The following TMEM117 variants were observed in gnomAD, a reference collection of about 807,000 sequenced individuals.
The protein encoded by TMEM117 is transmembrane protein 117.
A neutral mutation model predicts 52.4 loss-of-function variants in TMEM117; 27 were observed. The observed-to-expected ratio is 0.51, with a 90% CI of 0.38 to 0.71. The LOEUF (loss-of-function observed/expected upper bound fraction) is 0.71, where lower values mean the gene tolerates loss of function less well. TMEM117 is among the 30% of genes least tolerant of loss of function. TMEM117 has a pLI of 0.00. For missense variants in TMEM117, 556 were observed against 630.5 expected, an observed-to-expected ratio of 0.88 and a Z score of 1.26; for synonymous variants, 215 against 206.3, an observed-to-expected ratio of 1.04 and a Z score of -0.36.
At chr12:44,244,878 G>A (rs897550897) in intron 5 of TMEM117, among the ~76,000 whole-genome samples, 6 of 152,024 alleles carry the variant, frequency 3.9e-5, no homozygotes, top group African/African-American at 1.4e-4. Context: ...TATATGAGGT[G>A]AGATAAGGGT....
At chr12:43,947,167 C>T (rs1029012700) in intron 3 of TMEM117, among the ~76,000 whole-genome samples, 1 of 152,006 alleles carries the variant, frequency 6.6e-6, no homozygotes, top group Admixed American at 6.6e-5. Flanking sequence ...GACTTTGTCT[C>T]TTACAAAAAA....
At chr12:43,973,073 A>G (rs1945616977) in intron 3 of TMEM117, among the ~76,000 whole-genome samples, 1 of 152,250 alleles carries the variant, frequency 6.6e-6, no homozygotes, top group African/African-American at 2.4e-5. Flanking sequence ...CTTAGATAAC[A>G]CAGTGTAAAA....
intron 5 of TMEM117, among the ~76,000 whole-genome samples, chr12:44,228,381 T>C (rs1214590066): frequency 6.6e-6 from 1 of 152,146 alleles, no homozygotes; most frequent in Non-Finnish European, 1.5e-5. Flanking sequence ...ATTTGACAAA[T>C]AGTTTTTACC....
intron 4 of TMEM117, among the ~76,000 whole-genome samples, chr12:44,193,976 C>T (rs1193464629): frequency 6.6e-6 from 1 of 151,974 alleles, no homozygotes; most frequent in Non-Finnish European, 1.5e-5. Flanking sequence ...ATACAACTAG[C>T]AGAATCAGAC....
At chr12:44,342,693 G>T (rs1372429254) in intron 6 of TMEM117, among the ~76,000 whole-genome samples, 1 of 150,884 alleles carries the variant, frequency 6.6e-6, no homozygotes, top group African/African-American at 2.4e-5. Flanking sequence ...CAAGTTTGCA[G>T]GTTTGGTTAC....
At chr12:44,196,230 G>A (rs1949418636) in intron 4 of TMEM117, among the ~76,000 whole-genome samples, 1 of 151,940 alleles carries the variant, frequency 6.6e-6, no homozygotes, top group Non-Finnish European at 1.5e-5. Flanking sequence ...AAAAGAACAG[G>A]TAAATCAGTC....
At chr12:44,346,924 C>T (rs1443069394) in intron 6 of TMEM117, among the ~76,000 whole-genome samples, 3 of 151,982 alleles carry the variant, frequency 2.0e-5, no homozygotes, top group East Asian at 1.9e-4. Context: ...CTGAGGGATG[C>T]GCTATGAGAA....
At chr12:44,090,533 C>A (rs1419269429) in intron 3 of TMEM117, among the ~76,000 whole-genome samples, 1 of 151,688 alleles carries the variant, frequency 6.6e-6, no homozygotes, top group Non-Finnish European at 1.5e-5. Context: ...GCCTCCCGGG[C>A]TCAGGCAGTT....
the TMEM117 span, chr12:43,799,483 C>G: frequency 6.2e-7 from 1 of 1,603,248 alleles, no homozygotes; most frequent in Non-Finnish European, 8.5e-7. Flanking sequence ...TTTTTTATAT[C>G]CATGTAATGA....
chr12:44,066,913 G>A (rs1947229323), intron 3 of TMEM117, among the ~76,000 whole-genome samples: 1 of 152,192 alleles, frequency 6.6e-6, no homozygotes, highest in Admixed American at 6.5e-5. Context: ...TATACCCACA[G>A]TAGAACTTCT....
chr12:44,290,404 G>A (rs1414262324), intron 5 of TMEM117, among the ~76,000 whole-genome samples: 2 of 152,236 alleles, frequency 1.3e-5, no homozygotes, highest in Middle Eastern at 3.4e-3. Flanking sequence ...TGTGTATGAT[G>A]TAGGTGTCTA....
chr12:43,870,684 G>A (rs1235090772), intron 2 of TMEM117, among the ~76,000 whole-genome samples: 1 of 152,122 alleles, frequency 6.6e-6, no homozygotes, highest in East Asian at 1.9e-4. Flanking sequence ...AGGTCTTTGA[G>A]GAATTGCCAC....
At chr12:43,952,589 A>G (rs1255962345) in intron 3 of TMEM117, among the ~76,000 whole-genome samples, 1 of 152,098 alleles carries the variant, frequency 6.6e-6, no homozygotes, top group Non-Finnish European at 1.5e-5. Flanking sequence ...ACAAGATTAG[A>G]GAATAAAGAA....
chr12:43,815,570 AT>A, the TMEM117 span, among the ~76,000 whole-genome samples: 1 of 152,374 alleles, frequency 6.6e-6, no homozygotes, highest in Admixed American at 6.5e-5. Context: ...GCAACAGCAG[AT>A]CATGAAGTGA....
At chr12:44,283,372 G>C (rs974009438) in intron 5 of TMEM117, among the ~76,000 whole-genome samples, 2 of 152,154 alleles carry the variant, frequency 1.3e-5, no homozygotes, top group African/African-American at 2.4e-5. Context: ...GAGGGAGTCT[G>C]TCCACTGCAA....
rs528359451 is a variant in TMEM117, at chr12:44,211,150, C to A, written c.511-140C>A. Reference sequence around the variant, plus strand: ...AGTTTTTAATTGAATGAAGTATATCCTAATTTTTGTTTCTGCATATGTTAT... The same window carrying A: ...AGTTTTTAATTGAATGAAGTATATCATAATTTTTGTTTCTGCATATGTTAT... On this transcript the variant is annotated intron_variant, in intron 4 of 7. Transcript: ENST00000266534. 312 of 639,442 alleles carry A rather than the reference C, an allele frequency of 4.9e-4. 3 individuals are homozygous for A. The African/African-American group carries it at 5.4e-3, about 11-fold the overall frequency. The allele number at this position is 639,442 out of a possible 1,614,324, so 39.6% of individuals were successfully genotyped here.
intron 2 of TMEM117, among the ~76,000 whole-genome samples, chr12:43,915,633 A>G (rs984303893): frequency 1.3e-5 from 2 of 152,112 alleles, no homozygotes; most frequent in Non-Finnish European, 1.5e-5. Flanking sequence ...GAATTGTCTA[A>G]TTTAAAGGCC....
the TMEM117 span, chr12:43,806,348 C>T: frequency 1.2e-5 from 15 of 1,259,284 alleles, no homozygotes; most frequent in Non-Finnish European, 1.4e-5. Context: ...GGCGCGTCAT[C>T]CGCCCGCGAC....
intron 2 of TMEM117, among the ~76,000 whole-genome samples, chr12:43,901,115 ACTC>A (rs915610093): frequency 6.6e-6 from 1 of 152,022 alleles, no homozygotes; most frequent in Non-Finnish European, 1.5e-5. Flanking sequence ...TTTTGGAAAG[ACTC>A]CTAGAAAGAG....
Sources: allele counts gnomAD v4.1 joint callset (sites outside exome capture counted in the v4.1 genomes callset), GRCh38; gene constraint gnomAD v4.1.1; transcripts MANE v1.5; gene names NCBI Gene and HGNC (gene_info 2026-07-23, HGNC 2026-07-21).